The following PLEKHH1 variants were observed in gnomAD, a reference collection of about 807,000 sequenced individuals.
The protein encoded by PLEKHH1 is pleckstrin homology, MyTH4 and FERM domain containing H1, also known as pleckstrin homology domain-containing family H member 1.
PLEKHH1 carries 104 observed loss-of-function variants against 160.0 expected under a neutral mutation model. The ratio of observed to expected loss-of-function variants is 0.65; its 90% CI spans 0.55 to 0.76. PLEKHH1 has a LOEUF of 0.76. Ranked by LOEUF, PLEKHH1 falls within the 30% of genes least tolerant of loss-of-function variation. PLEKHH1 has a pLI of 0.00. For synonymous variants in PLEKHH1, 619 were observed against 678.4 expected (o/e 0.91, Z 1.36); for missense variants, 1,427 against 1,724.1 (o/e 0.83, Z 3.05).
rs1038920568 is a variant in PLEKHH1, at chr14:67,577,522, A to C, written c.2574+108A>C. ...CACAGAGGGATCTGGAGAGGAAGGG[A>C]AGGAAACTTCCCAGGGTCCCTATCA... On this transcript the variant is annotated intron_variant, in intron 18 of 28. Transcript: ENST00000329153. The C allele has an allele frequency of 5.6e-6, 4 of 720,264 alleles. No homozygotes were observed. The Admixed American group carries it at 6.8e-5, about 12-fold the overall frequency. 44.6% of individuals were successfully genotyped at this position (720,264 alleles called of 1,614,324 possible).
intron 11 of PLEKHH1, among the ~76,000 whole-genome samples, chr14:67,572,673 T>C (rs537840461): frequency 5.9e-5 from 9 of 152,296 alleles, no homozygotes; most frequent in Non-Finnish European, 1.2e-4. Flanking sequence ...CTCACAATCC[T>C]CTTGGGGTCA....
chr14:67,561,829 C>T, intron 5 of PLEKHH1, 125 bp from the exon 6 acceptor site: 2 of 697,268 alleles, frequency 2.9e-6, no homozygotes, highest in Non-Finnish European at 4.8e-6. Flanking sequence ...AAAATTGCTC[C>T]ACTGCAATTC....
chr14:67,541,611 G>A (rs923059584), intron 1 of PLEKHH1, among the ~76,000 whole-genome samples: 9 of 152,124 alleles, frequency 5.9e-5, no homozygotes, highest in Admixed American at 3.3e-4. Context: ...CAGGTTTCGC[G>A]GTTTCCTGAG....
In PLEKHH1 at chr14:67,588,835, G is replaced by A. The variant is rs1440730813; in HGVS notation, c.*1600G>A. ...AGAACTAGTTTATCTGAACACCTCA[G>A]CTGCTGTAAGCTTCTCCTCTCTCAC... is the stretch of plus-strand genomic sequence containing the variant. On this transcript the variant is annotated 3_prime_UTR_variant, in exon 29 of 29. Transcript: ENST00000329153. The A allele has an allele frequency of 6.6e-6, 1 of 152,574 alleles. No individual in the cohort carries two copies. The highest frequency in any genetic ancestry group is 6.6e-5 in the Admixed American group (1 of 15,224). The allele number at this position is 152,574 out of a possible 1,614,324, so 9.5% of individuals were successfully genotyped here.
At chr14:67,537,810 C>T (rs538012038) in intron 1 of PLEKHH1, among the ~76,000 whole-genome samples, 1 of 152,328 alleles carries the variant, frequency 6.6e-6, no homozygotes, top group South Asian at 2.1e-4. Flanking sequence ...TCCTGTGCCA[C>T]CTTCCCACCC....
intron 2 of PLEKHH1, among the ~76,000 whole-genome samples, chr14:67,546,575 A>G (rs1481401851): frequency 1.3e-5 from 2 of 152,148 alleles, no homozygotes; most frequent in African/African-American, 4.8e-5. Flanking sequence ...TTTTTGGTAG[A>G]GATGGAGTTT....
At chr14:67,556,033 G>T in intron 3 of PLEKHH1, 146 bp downstream of exon 3, 1 of 1,082,950 alleles carries the variant, frequency 9.2e-7, no homozygotes, top group Non-Finnish European at 1.3e-6. Context: ...AGCTTTCTGT[G>T]GGAGTAGAGT....
At chr14:67,568,966 G>A in intron 7 of PLEKHH1, 172 bp from the exon 8 acceptor site, 1 of 587,628 alleles carries the variant, frequency 1.7e-6, no homozygotes, top group East Asian at 2.9e-5. Context: ...TCCATTTAGA[G>A]CAGAGGAAAA....
chr14:67,583,859 A>C lies in PLEKHH1; in HGVS notation c.3545A>C (p.His1182Pro). The change falls in exon 25 of 29, where the codon CAT becomes CCT. Residue 1182 changes from histidine to proline, a missense_variant. Transcript: ENST00000329153. ...AGGTTCCACCCCAGGCGCTATAGAC[A>C]TGGGGCCCCCGCTGAACAGCTGAGG... ...LDRFHPRRYR[H>P]GAPAEQLRHL... The C allele has an allele frequency of 6.2e-7, 1 of 1,613,622 alleles. No homozygotes were observed. The highest frequency in any genetic ancestry group is 8.5e-7 in the Non-Finnish European group (1 of 1,179,662).
chr14:67,540,632 A>G (rs2033928473), intron 1 of PLEKHH1, among the ~76,000 whole-genome samples: 1 of 152,038 alleles, frequency 6.6e-6, no homozygotes. Context: ...CCTCAAAAAA[A>G]AAAAAAAAAT....
At position 67,576,126 on chromosome 14, in the gene PLEKHH1, T is replaced by A; in HGVS notation, c.2352+121T>A. ...ATTTCCTTTTGGACACTTTGGCAAC[T>A]AATATTCTCTGAATGGGAATATTCC... On this transcript the variant is annotated intron_variant, in intron 16 of 28. Coordinates refer to ENST00000329153, the MANE Select transcript of PLEKHH1 (RefSeq NM_020715.3). The surrounding 1 kb of genome is among the most constrained non-coding windows in gnomAD (Gnocchi z 4.0). The A allele has an allele frequency of 1.3e-6, 1 of 744,946 alleles. No homozygotes were observed. The highest frequency in any genetic ancestry group is 2.2e-6 in the Non-Finnish European group (1 of 454,452). 46.1% of individuals were successfully genotyped at this position (744,946 alleles called of 1,614,324 possible). A position where few individuals can be genotyped will look rare whatever the true frequency, so the allele number is the denominator to read the frequency against.
At chr14:67,577,466 G>C (rs1566758043) in intron 18 of PLEKHH1, 52 bp downstream of exon 18, 1 of 1,179,164 alleles carries the variant, frequency 8.5e-7, no homozygotes, top group Non-Finnish European at 1.2e-6. Flanking sequence ...CAATACTTGG[G>C]TGGAGAAGGC....
At chr14:67,560,313 C>A (rs1338905576) in intron 5 of PLEKHH1, among the ~76,000 whole-genome samples, 1 of 152,190 alleles carries the variant, frequency 6.6e-6, no homozygotes, top group Non-Finnish European at 1.5e-5. Context: ...AGGAGGGAAC[C>A]ACCGTGCCCT....
chr14:67,576,042 G>C lies in PLEKHH1; in HGVS notation c.2352+37G>C. 6.7e-7 allele frequency: 1 copy of C among 1,500,306 alleles called. No homozygotes were observed. Among genetic ancestry groups the C allele is most frequent in the Non-Finnish European group, 9.1e-7 (1 of 1,096,268 alleles). The allele number at this position is 1,500,306 out of a possible 1,614,324, so 92.9% of individuals were successfully genotyped here. Reference sequence around the variant, plus strand: ...GGCTGGGCCTCCAGGGCCAAGCTTGGACCTGTGATTCTGATCTTCCCTTCT... The same window carrying C: ...GGCTGGGCCTCCAGGGCCAAGCTTGCACCTGTGATTCTGATCTTCCCTTCT... On this transcript the variant is annotated intron_variant, in intron 16 of 28. Transcript: ENST00000329153. This position sits in a 1 kb window ranked among gnomAD's most constrained non-coding sequence, Gnocchi z 4.0.
At chr14:67,551,587 C>T (rs896892788) in intron 2 of PLEKHH1, among the ~76,000 whole-genome samples, 7 of 152,160 alleles carry the variant, frequency 4.6e-5, no homozygotes, top group South Asian at 2.1e-4. Context: ...CATTCTCTCC[C>T]GTGGGTGCAA....
chr14:67,543,674 G>A (rs2034061485), intron 2 of PLEKHH1, among the ~76,000 whole-genome samples: 1 of 151,922 alleles, frequency 6.6e-6, no homozygotes. Flanking sequence ...TTGGAGGAGG[G>A]ACGAAAAGGA....
At chr14:67,541,807 T>C in intron 1 of PLEKHH1, 27 bp from the exon 2 acceptor site, 2 of 1,455,724 alleles carry the variant, frequency 1.4e-6, no homozygotes, top group Admixed American at 2.4e-5. Flanking sequence ...TATTTATCTT[T>C]TCCTCTTTCT....
chr14:67,570,162 A>G, intron 9 of PLEKHH1, 150 bp downstream of exon 9: 1 of 706,690 alleles, frequency 1.4e-6, no homozygotes, highest in Non-Finnish European at 2.3e-6. Context: ...ATTTTGTTTT[A>G]TTGTTTATTA....
intron 18 of PLEKHH1, 38 bp from the exon 19 acceptor site, chr14:67,577,985 A>G: frequency 6.3e-7 from 1 of 1,588,032 alleles, no homozygotes; most frequent in South Asian, 1.1e-5. Context: ...AACCCAGGGG[A>G]TGCTGGTCTG....
Sources: allele counts gnomAD v4.1 joint callset (sites outside exome capture counted in the v4.1 genomes callset), GRCh38; gene constraint gnomAD v4.1.1; non-coding constraint Gnocchi (gnomAD v3.1); transcripts MANE v1.5; gene names NCBI Gene and HGNC (gene_info 2026-07-23, HGNC 2026-07-21).